The following KIAA1958 variants were observed in gnomAD, a reference collection of about 807,000 sequenced individuals.
The protein encoded by KIAA1958 is uncharacterized protein KIAA1958.
KIAA1958 carries 14 observed loss-of-function variants against 47.2 expected under a neutral mutation model. The ratio of observed to expected loss-of-function variants is 0.30; its 90% CI spans 0.20 to 0.46. The LOEUF (loss-of-function observed/expected upper bound fraction) is 0.46, where lower values mean the gene tolerates loss of function less well. Ranked by LOEUF, KIAA1958 falls within the 20% of genes least tolerant of loss-of-function variation. The pLI is 1.00. For missense variants in KIAA1958, 803 were observed against 909.2 expected (o/e 0.88, Z 1.50); for synonymous variants, 354 against 353.3 (o/e 1.00, Z -0.02).
intron 2 of KIAA1958, among the ~76,000 whole-genome samples, chr9:112,584,999 A>G (rs1027336622): frequency 4.6e-5 from 7 of 152,210 alleles, no homozygotes; most frequent in Non-Finnish European, 8.8e-5. Flanking sequence ...CTGCTAGGTT[A>G]TATCCTAAAG....
At chr9:112,633,546 T>G (rs1836746802) in intron 2 of KIAA1958, among the ~76,000 whole-genome samples, 2 of 152,246 alleles carry the variant, frequency 1.3e-5, no homozygotes, top group African/African-American at 4.8e-5. Flanking sequence ...TTGATTAATT[T>G]TTATGACGCT....
intron 1 of KIAA1958, among the ~76,000 whole-genome samples, chr9:112,551,511 T>C (rs1835150629): frequency 6.6e-6 from 1 of 152,238 alleles, no homozygotes; most frequent in Non-Finnish European, 1.5e-5. Context: ...CTGAAGATGG[T>C]AAAAAGTATT....
chr9:112,654,693 CAA>C (rs35961310), intron 3 of KIAA1958, among the ~76,000 whole-genome samples: 263 of 111,712 alleles, frequency 2.4e-3, no homozygotes, highest in African/African-American at 3.6e-3. Flanking sequence ...CATAAAAATC[CAA>C]AAAAAAAAAA....
chr9:112,617,898 G>A (rs1044146856), intron 2 of KIAA1958: 3 of 1,550,030 alleles, frequency 1.9e-6, no homozygotes, highest in Non-Finnish European at 2.6e-6. Context: ...GCTGAGCTCA[G>A]CAGGGAGCAG....
intron 2 of KIAA1958, among the ~76,000 whole-genome samples, chr9:112,575,791 T>G (rs969376214): frequency 2.0e-5 from 3 of 152,208 alleles, no homozygotes; most frequent in African/African-American, 7.2e-5. Context: ...CTCTTAAAAT[T>G]TAAAAGAATA....
chr9:112,571,983 T>C (rs1835546264), intron 1 of KIAA1958, among the ~76,000 whole-genome samples: 1 of 150,456 alleles, frequency 6.6e-6, no homozygotes. Flanking sequence ...ATGAAGGAAA[T>C]GTAAGATCAC....
At chr9:112,597,550 A>G (rs1282037302) in intron 2 of KIAA1958, among the ~76,000 whole-genome samples, 1 of 152,182 alleles carries the variant, frequency 6.6e-6, no homozygotes, top group Non-Finnish European at 1.5e-5. Flanking sequence ...ACATGGGCCA[A>G]CTTTCCCTGA....
intron 1 of KIAA1958, among the ~76,000 whole-genome samples, chr9:112,537,679 C>G (rs1834879163): frequency 6.6e-6 from 1 of 152,202 alleles, no homozygotes; most frequent in African/African-American, 2.4e-5. Flanking sequence ...CAGGAGTGCT[C>G]TTACATGCTG....
At chr9:112,539,693 G>T (rs1309512790) in intron 1 of KIAA1958, among the ~76,000 whole-genome samples, 1 of 151,672 alleles carries the variant, frequency 6.6e-6, no homozygotes. Flanking sequence ...TTTTTTTTGC[G>T]GGGGTGGGGG....
chr9:112,540,899 T>A (rs7864165), intron 1 of KIAA1958, among the ~76,000 whole-genome samples: 1 of 151,862 alleles, frequency 6.6e-6, no homozygotes. Context: ...ATTTTTTATT[T>A]TTTGTAGAGA....
intron 1 of KIAA1958, among the ~76,000 whole-genome samples, chr9:112,532,019 A>G (rs1834759422): frequency 6.6e-6 from 1 of 152,216 alleles, no homozygotes; most frequent in Non-Finnish European, 1.5e-5. Context: ...TTCCTCTCAT[A>G]GGAGACTGAT....
chr9:112,622,157 G>T (rs1389727839), intron 2 of KIAA1958, among the ~76,000 whole-genome samples: 2 of 152,202 alleles, frequency 1.3e-5, no homozygotes, highest in Non-Finnish European at 2.9e-5. Context: ...TCATGTTCAT[G>T]CTGTGGCAGA....
intron 2 of KIAA1958, among the ~76,000 whole-genome samples, chr9:112,628,605 G>T (rs1836659302): frequency 6.6e-6 from 1 of 152,016 alleles, no homozygotes; most frequent in Non-Finnish European, 1.5e-5. Context: ...TTTATATTTT[G>T]GACACCAAAG....
intron 2 of KIAA1958, among the ~76,000 whole-genome samples, chr9:112,592,045 T>C (rs1027404632): frequency 9.2e-5 from 14 of 152,108 alleles, no homozygotes; most frequent in African/African-American, 3.1e-4. Context: ...CTAATTCTGA[T>C]TGGCTAATTT....
chr9:112,508,339 T>C (rs1834266883), intron 1 of KIAA1958, among the ~76,000 whole-genome samples: 1 of 152,224 alleles, frequency 6.6e-6, no homozygotes, highest in Admixed American at 6.5e-5. Flanking sequence ...GAAAAAATAG[T>C]GTCTTACTGG....
intron 2 of KIAA1958, among the ~76,000 whole-genome samples, chr9:112,585,324 A>T (rs574367180): frequency 1.3e-5 from 2 of 152,368 alleles, no homozygotes; most frequent in East Asian, 3.9e-4. Flanking sequence ...AGATTTATGA[A>T]GAGTGGTTGA....
At chr9:112,554,567 A>G (rs1835209850) in intron 1 of KIAA1958, among the ~76,000 whole-genome samples, 1 of 152,218 alleles carries the variant, frequency 6.6e-6, no homozygotes. Context: ...TTGGTTAATT[A>G]TAATATATCC....
chr9:112,532,453 G>A (rs1431061830), intron 1 of KIAA1958, among the ~76,000 whole-genome samples: 1 of 152,148 alleles, frequency 6.6e-6, no homozygotes, highest in Non-Finnish European at 1.5e-5. Context: ...TAGGGTAGTG[G>A]CCAGTGCCCT....
chr9:112,655,010 G>A (rs1403265334), intron 3 of KIAA1958, among the ~76,000 whole-genome samples: 1 of 152,162 alleles, frequency 6.6e-6, no homozygotes, highest in Admixed American at 6.5e-5. Flanking sequence ...TAATAACAGT[G>A]ATATTCAGTA....
Sources: gnomAD v4.1 joint callset for allele counts (sites outside exome capture counted in the v4.1 genomes callset) on GRCh38, gnomAD v4.1.1 for gene constraint, MANE v1.5 for transcripts, NCBI Gene and HGNC (gene_info 2026-07-23, HGNC 2026-07-21) for gene names.